PHLDB3: variants seen among roughly 807,000 people sequenced by gnomAD.
The protein encoded by PHLDB3 is pleckstrin homology-like domain family B member 3.
Under a neutral mutation model 85.7 loss-of-function variants are expected in PHLDB3, and 86 were observed. The ratio of observed to expected loss-of-function variants is 1.00; its 90% confidence interval spans 0.84 to 1.20. The LOEUF is 1.20. PHLDB3 is among the 50% of genes most tolerant of loss of function. The probability of loss-of-function intolerance (pLI) is 0.00; values close to 1 mark genes in which losing one functional copy is unlikely to be tolerated. For missense variants in PHLDB3, 995 were observed against 873.0 expected, an observed-to-expected ratio of 1.14 and a Z score of -1.76; for synonymous variants, 376 against 349.8, an observed-to-expected ratio of 1.07 and a Z score of -0.83.
In PHLDB3 at chr19:43,486,763, T is replaced by C; in HGVS notation, c.1340+17A>G. 1 of 1,609,190 alleles carries C rather than the reference T, an allele frequency of 6.2e-7. No homozygotes were observed. The highest frequency in any genetic ancestry group is 8.5e-7 in the Non-Finnish European group (1 of 1,177,170). ...GGCCTCTTCTTCCATCTCCCCACCT[T>C]CTCTCTGATGTCTCACCTATTCCCA... On this transcript the variant is annotated intron_variant, in intron 11 of 15. Coordinates refer to ENST00000292140, the MANE Select transcript of PHLDB3 (RefSeq NM_198850.4).
chr19:43,476,287 C>A (rs1409014158), intron 15 of PHLDB3, among the ~76,000 whole-genome samples: 2 of 152,194 alleles, frequency 1.3e-5, no homozygotes, highest in Non-Finnish European at 1.5e-5. Context: ...TGTCCATAAT[C>A]TGTTTTTAGC....
At chr19:43,490,661 T>G (rs1407729924) in intron 9 of PHLDB3, among the ~76,000 whole-genome samples, 4 of 152,170 alleles carry the variant, frequency 2.6e-5, no homozygotes, top group African/African-American at 9.7e-5. Context: ...TACTTGACTT[T>G]TTCCTTCCTT....
chr19:43,501,792 C>T lies in PHLDB3; in HGVS notation c.476G>A (p.Arg159Gln). Residue 159 changes from arginine (R) to glutamine (Q), a missense_variant, in exon 4 of 16, where the codon CGG becomes CAG. Arg to Gln is a conservative substitution (Grantham distance 43). Coordinates refer to ENST00000292140, the MANE Select transcript of PHLDB3 (RefSeq NM_198850.4). ...VAARREEEQL[R>Q]ELLEQQAASE... ...GGCCGCCTGCTGCTCCAGCAGCTCC[C>T]GCAGCTGCTCCTCCTCCCGGCGAGC... 1.9e-6 allele frequency: 3 copies of T among 1,586,604 alleles called. No individual in the cohort carries two copies. The highest frequency in any genetic ancestry group is 2.6e-6 in the Non-Finnish European group (3 of 1,168,540).
chr19:43,494,092 G>C (rs1375208253), intron 9 of PHLDB3, among the ~76,000 whole-genome samples: 1 of 152,136 alleles, frequency 6.6e-6, no homozygotes, highest in Non-Finnish European at 1.5e-5. Flanking sequence ...GAGTACAGTG[G>C]CATAATCTCG....
Position 43,479,587 on chromosome 19 carries a change from GTGGGGCCTGGGGAGCAAAGAGA to G in PHLDB3, c.1486-16_1491del, listed in dbSNP as rs1568472754. The G allele has an allele frequency of 6.8e-7, 1 of 1,467,274 alleles. No homozygotes were observed. Among genetic ancestry groups the G allele is most frequent in the South Asian group, 1.2e-5 (1 of 82,132 alleles). The allele number at this position is 1,467,274 out of a possible 1,614,324, so 90.9% of individuals were successfully genotyped here. On this transcript the variant is annotated splice_acceptor_variant and splice_polypyrimidine_tract_variant and coding_sequence_variant and intron_variant, in exon 14 of 16. Coordinates refer to ENST00000292140, the MANE Select transcript of PHLDB3 (RefSeq NM_198850.4). LOFTEE classifies it high-confidence loss of function. ...GGGCCTGGAGGGTGGGGTGGGGTGGGTGGGGCCTGGGGAGCAAAGAGACGGGGCAGCTGATGTAAGGGGCGGG... is the reference window on the plus strand; with the variant it reads ...GGGCCTGGAGGGTGGGGTGGGGTGGGCGGGGCAGCTGATGTAAGGGGCGGG...
intron 12 of PHLDB3, 104 bp from the exon 13 acceptor site, chr19:43,486,426 G>A (rs1449867544): frequency 3.1e-6 from 4 of 1,302,878 alleles, no homozygotes; most frequent in Middle Eastern, 1.9e-4. Flanking sequence ...CAGGGACTGG[G>A]GGCCTGGACT....
chr19:43,495,040 G>A (rs10407678), intron 8 of PHLDB3, among the ~76,000 whole-genome samples: 2 of 150,912 alleles, frequency 1.3e-5, no homozygotes, highest in African/African-American at 4.9e-5. Context: ...TGGGTCTGAG[G>A]GAGGTGGGGC....
At chr19:43,504,332 G>C (rs1275413659) in intron 1 of PHLDB3, 200 bp from the exon 2 acceptor site, 1 of 601,494 alleles carries the variant, frequency 1.7e-6, no homozygotes, top group African/African-American at 1.9e-5. Flanking sequence ...CACGCCACCG[G>C]AGACGGGACC....
At chr19:43,500,895 G>GTCCCCC (rs1971570922) in intron 4 of PHLDB3, among the ~76,000 whole-genome samples, 3 of 33,556 alleles carry the variant, frequency 8.9e-5, no homozygotes, top group African/African-American at 3.4e-4. Flanking sequence ...CTCCCACTTT[G>GTCCCCC]CCCCGCCCCC....
chr19:43,488,877 G>A (rs932192913), intron 9 of PHLDB3, among the ~76,000 whole-genome samples: 7 of 150,826 alleles, frequency 4.6e-5, no homozygotes, highest in Non-Finnish European at 1.0e-4. Context: ...TCGGCTCATT[G>A]CAACCTCCGC....
At chr19:43,487,302 C>T (rs1248868750) in intron 9 of PHLDB3, among the ~76,000 whole-genome samples, 179 bp from the exon 10 acceptor site, 3 of 152,232 alleles carry the variant, frequency 2.0e-5, no homozygotes, top group East Asian at 3.9e-4. Context: ...AAGCTGAGCA[C>T]AGTGGCTTAT....
chr19:43,485,239 A>T (rs1971128830), intron 13 of PHLDB3, among the ~76,000 whole-genome samples: 1 of 151,496 alleles, frequency 6.6e-6, no homozygotes, highest in South Asian at 2.1e-4. Flanking sequence ...TTGAGACAGA[A>T]TCTTGGTCTG....
chr19:43,501,445 A>G (rs1020090874), intron 4 of PHLDB3: 1 of 454,750 alleles, frequency 2.2e-6, no homozygotes, highest in Non-Finnish European at 3.8e-6. Flanking sequence ...TCGGCCTCCC[A>G]AAGTGCTATG....
intron 13 of PHLDB3, among the ~76,000 whole-genome samples, chr19:43,484,424 T>C (rs1390445030): frequency 6.6e-6 from 1 of 150,784 alleles, no homozygotes; most frequent in Admixed American, 6.6e-5. Context: ...AAAAAACTTA[T>C]TGGCCAGGCA....
chr19:43,503,877 C>G (rs759305679), intron 2 of PHLDB3, 29 bp downstream of exon 2: 2 of 1,612,918 alleles, frequency 1.2e-6, no homozygotes, highest in Admixed American at 1.7e-5. Context: ...GGTCCAAGCC[C>G]CCCGCGCTGT....
chr19:43,480,116 T>A (rs537632544), intron 13 of PHLDB3, among the ~76,000 whole-genome samples: 137 of 147,012 alleles, frequency 9.3e-4, no homozygotes, highest in Middle Eastern at 3.6e-3. Context: ...AAAAAAAAAA[T>A]TTTTTTTGGA....
At position 43,487,140 on chromosome 19, in the gene PHLDB3, C is replaced by T. The variant is rs1308189507; in HGVS notation, c.1150-17G>A. 3.2e-6 allele frequency: 5 copies of T among 1,551,342 alleles called. No individual in the cohort carries two copies. The highest frequency in any genetic ancestry group is 3.5e-6 in the Non-Finnish European group (4 of 1,146,170). On this transcript the variant is annotated splice_polypyrimidine_tract_variant and intron_variant, in intron 9 of 15. Transcript: ENST00000292140. ...AATGGAGCCCTGAAAACACAAAAGG[C>T]TCATGAGCATAGGAAAAAGGCTTGA...
intron 12 of PHLDB3, 68 bp from the exon 13 acceptor site, chr19:43,486,390 G>A (rs1208469243): frequency 6.8e-7 from 1 of 1,465,616 alleles, no homozygotes; most frequent in African/African-American, 1.4e-5. Flanking sequence ...GCTGGAGAAT[G>A]TCCTAGCTTC....
At chr19:43,489,369 GTTTTTTTT>G (rs57304377) in intron 9 of PHLDB3, among the ~76,000 whole-genome samples, 1 of 140,366 alleles carries the variant, frequency 7.1e-6, no homozygotes, top group African/African-American at 2.6e-5. Flanking sequence ...ATCTCTTAAA[GTTTTTTTT>G]TTTTTTTTTT....
Sources: gnomAD v4.1 joint callset for allele counts (sites outside exome capture counted in the v4.1 genomes callset) on GRCh38, gnomAD v4.1.1 for gene constraint, MANE v1.5 for transcripts, NCBI Gene and HGNC (gene_info 2026-07-23, HGNC 2026-07-21) for gene names.